Variants in PTPRN2 observed in about 807,000 individuals in gnomAD.
The protein encoded by PTPRN2 is protein tyrosine phosphatase receptor type N2, also known as receptor-type tyrosine-protein phosphatase N2.
PTPRN2 carries 74 observed loss-of-function variants against 118.8 expected under a neutral mutation model. That is an observed-to-expected ratio of 0.62 (90% CI 0.52 to 0.76). The LOEUF (loss-of-function observed/expected upper bound fraction) is 0.76, where lower values mean the gene tolerates loss of function less well. PTPRN2 is among the 30% of genes least tolerant of loss of function. The pLI is 0.00. For synonymous variants in PTPRN2, 641 were observed against 608.0 expected (o/e 1.05, Z -0.80); for missense variants, 1,481 against 1,394.4 (o/e 1.06, Z -0.99).
At chr7:158,355,885 G>A (rs1476213853) in intron 2 of PTPRN2, among the ~76,000 whole-genome samples, 7 of 152,164 alleles carry the variant, frequency 4.6e-5, no homozygotes, top group African/African-American at 1.7e-4. Flanking sequence ...GGCTGTTCTT[G>A]CCAAAGGCTG....
intron 15 of PTPRN2, among the ~76,000 whole-genome samples, chr7:157,606,386 G>A (rs1802004893): frequency 6.6e-6 from 1 of 152,208 alleles, no homozygotes; most frequent in South Asian, 2.1e-4. Context: ...CGTGGAACAG[G>A]ATGCCCAGGT....
At position 158,294,175 on chromosome 7, in the gene PTPRN2, C is replaced by T. The variant is rs553135734; in HGVS notation, c.277+22644G>A. ...GTCAGTCGGTGACAGGGGTTTTCAG[C>T]TCCACTACAACCATATGGGACCACC... On this transcript the variant is annotated intron_variant, in intron 3 of 22. Coordinates refer to ENST00000389418, the MANE Select transcript of PTPRN2 (RefSeq NM_002847.5). Among the ~76,000 whole-genome samples, 262 of 152,296 alleles carry T rather than the reference C, an allele frequency of 1.7e-3. 2 individuals carry two copies. Among genetic ancestry groups the T allele is most frequent in the Middle Eastern group, 3.4e-3 (1 of 294 alleles).
intron 3 of PTPRN2, among the ~76,000 whole-genome samples, chr7:158,274,294 G>C (rs1236432586): frequency 5.5e-5 from 8 of 144,216 alleles, no homozygotes; most frequent in South Asian, 2.3e-4. Flanking sequence ...CGCAGACACA[G>C]GAGGAGACAC....
chr7:158,316,018 G>A (rs1050878516), intron 3 of PTPRN2, among the ~76,000 whole-genome samples: 6 of 152,126 alleles, frequency 3.9e-5, no homozygotes, highest in Admixed American at 2.0e-4. Flanking sequence ...CCCTGCTGTG[G>A]CCACCCTTGA....
intron 12 of PTPRN2, among the ~76,000 whole-genome samples, chr7:157,815,461 C>A (rs892127672): frequency 6.6e-6 from 1 of 152,186 alleles, no homozygotes; most frequent in Admixed American, 6.5e-5. Flanking sequence ...GCACCGCTGC[C>A]GAGGTGGGAA....
intron 2 of PTPRN2, among the ~76,000 whole-genome samples, chr7:158,389,985 C>T (rs557484269): frequency 6.6e-6 from 1 of 152,374 alleles, no homozygotes; most frequent in Admixed American, 6.5e-5. Context: ...CCTCGGATGA[C>T]TCTGTAATGA....
At chr7:157,886,775 GC>G (rs1200286234) in intron 12 of PTPRN2, among the ~76,000 whole-genome samples, 2 of 35,514 alleles carry the variant, frequency 5.6e-5, no homozygotes, top group Non-Finnish European at 1.1e-4. Flanking sequence ...CAGTGGGGCT[GC>G]CCCAGGGCCA....
At chr7:158,481,034 T>G (rs1027485323) in intron 2 of PTPRN2, among the ~76,000 whole-genome samples, 1 of 152,254 alleles carries the variant, frequency 6.6e-6, no homozygotes, top group South Asian at 2.1e-4. Context: ...CAGCCTTACA[T>G]TGAAGAAGAT....
intron 3 of PTPRN2, among the ~76,000 whole-genome samples, chr7:158,254,784 C>A (rs917660653): frequency 1.3e-5 from 2 of 152,252 alleles, no homozygotes; most frequent in East Asian, 3.8e-4. Context: ...TTTCACCTCC[C>A]TACAGGACAG....
At chr7:158,279,329 T>C (rs1170772954) in intron 3 of PTPRN2, among the ~76,000 whole-genome samples, 2 of 152,198 alleles carry the variant, frequency 1.3e-5, no homozygotes, top group Admixed American at 6.5e-5. Flanking sequence ...AGAGCACTGA[T>C]GGGTGCATTT....
chr7:158,081,401 G>C (rs761007730), intron 10 of PTPRN2, 24 bp from the exon 11 acceptor site: 2 of 1,607,806 alleles, frequency 1.2e-6, no homozygotes, highest in Admixed American at 3.3e-5. Flanking sequence ...TTTAAAATAA[G>C]TTCATAACGA....
intron 11 of PTPRN2, among the ~76,000 whole-genome samples, chr7:157,981,827 C>T (rs952651271): frequency 6.6e-6 from 1 of 152,284 alleles, no homozygotes; most frequent in Non-Finnish European, 1.5e-5. Context: ...ATCATATCAG[C>T]CCATTCTTCA....
chr7:158,571,521 ATTTCTTTTTT>A (rs1180749077), intron 1 of PTPRN2, among the ~76,000 whole-genome samples: 4 of 119,664 alleles, frequency 3.3e-5, no homozygotes, highest in East Asian at 2.7e-4. Context: ...ACACACACCT[ATTTCTTTTTT>A]TTTTTTTTTT....
intron 2 of PTPRN2, among the ~76,000 whole-genome samples, chr7:158,346,531 T>A (rs567249254): frequency 1.1e-3 from 161 of 152,372 alleles, no homozygotes; most frequent in African/African-American, 3.8e-3. Flanking sequence ...GATGGACATT[T>A]AGGTTGATTC....
chr7:158,236,115 T>TAG (rs1193902712), intron 3 of PTPRN2, among the ~76,000 whole-genome samples: 1 of 152,094 alleles, frequency 6.6e-6, no homozygotes, highest in Admixed American at 6.5e-5. Context: ...GAGCTGTGAG[T>TAG]AGATCCCAGG....
At chr7:157,994,516 CCGCATCCCCA>C (rs1804509327) in intron 11 of PTPRN2, among the ~76,000 whole-genome samples, 2 of 150,116 alleles carry the variant, frequency 1.3e-5, no homozygotes, top group African/African-American at 4.9e-5. Flanking sequence ...AAAATCAGCA[CCGCATCCCCA>C]GCTTACAGCT....
intron 11 of PTPRN2, among the ~76,000 whole-genome samples, chr7:158,069,991 G>T (rs1811080196): frequency 6.6e-6 from 1 of 152,220 alleles, no homozygotes; most frequent in Non-Finnish European, 1.5e-5. Context: ...GCAAATAGCT[G>T]GGAGGGTGCT....
At chr7:157,726,800 C>G (rs1799628543) in intron 12 of PTPRN2, among the ~76,000 whole-genome samples, 1 of 152,196 alleles carries the variant, frequency 6.6e-6, no homozygotes, top group South Asian at 2.1e-4. Context: ...TTCCACAACT[C>G]AACTACAATA....
At chr7:157,972,860 A>C (rs1802447384) in intron 11 of PTPRN2, among the ~76,000 whole-genome samples, 1 of 143,370 alleles carries the variant, frequency 7.0e-6, no homozygotes. Context: ...AGACCGCAGA[A>C]ACTCCACACC....
Sources: allele counts gnomAD v4.1 joint callset (sites outside exome capture counted in the v4.1 genomes callset), GRCh38; gene constraint gnomAD v4.1.1; transcripts MANE v1.5; gene names NCBI Gene and HGNC (gene_info 2026-07-23, HGNC 2026-07-21).